The following ZBTB7C variants were observed in gnomAD, a reference collection of about 807,000 sequenced individuals.
The protein encoded by ZBTB7C is zinc finger and BTB domain containing 7C, also known as zinc finger and BTB domain-containing protein 7C.
Under a neutral mutation model 25.7 loss-of-function variants are expected in ZBTB7C, and 8 were observed. The ratio of observed to expected loss-of-function variants is 0.31; its 90% CI spans 0.18 to 0.56. ZBTB7C has a LOEUF of 0.56. Among genes scored for constraint, ZBTB7C ranks in the 20% least tolerant of loss-of-function variants. The pLI, the probability that ZBTB7C is intolerant of heterozygous loss-of-function variation, is 0.91. For missense variants in ZBTB7C, 824 were observed against 855.2 expected (o/e 0.96, Z 0.46); for synonymous variants, 394 against 369.0 (o/e 1.07, Z -0.78).
chr18:48,160,552 C>A (rs1489372453), intron 3 of ZBTB7C, among the ~76,000 whole-genome samples: 6 of 152,122 alleles, frequency 3.9e-5, no homozygotes, highest in Non-Finnish European at 8.8e-5. Flanking sequence ...GCCTGTGGTC[C>A]AGCTGTTAAA....
chr18:48,181,273 T>C (rs1351311582), intron 3 of ZBTB7C, among the ~76,000 whole-genome samples: 3 of 152,108 alleles, frequency 2.0e-5, no homozygotes, highest in Non-Finnish European at 4.4e-5. Context: ...ATCCCCTTGC[T>C]CTCTAAGGCT....
intron 2 of ZBTB7C, among the ~76,000 whole-genome samples, chr18:48,306,673 C>T (rs1218176992): frequency 6.6e-6 from 1 of 152,160 alleles, no homozygotes; most frequent in African/African-American, 2.4e-5. Context: ...TCTCTGTCCT[C>T]TCCTCTTCTC....
chr18:48,263,838 C>T (rs2044238603), intron 2 of ZBTB7C, among the ~76,000 whole-genome samples: 1 of 152,050 alleles, frequency 6.6e-6, no homozygotes, highest in South Asian at 2.1e-4. Flanking sequence ...ACTCAAGCCC[C>T]CCAAATGCAA....
At chr18:48,053,767 G>A (rs1041148480) in intron 3 of ZBTB7C, among the ~76,000 whole-genome samples, 1 of 152,214 alleles carries the variant, frequency 6.6e-6, no homozygotes, top group Non-Finnish European at 1.5e-5. Context: ...AGAAGCCACA[G>A]AAGAGTGGGA....
At chr18:48,137,044 G>A in intron 3 of ZBTB7C, 2 of 985,306 alleles carry the variant, frequency 2.0e-6, no homozygotes, top group Non-Finnish European at 2.4e-6. Context: ...TGCCCGGGCC[G>A]TGTCCTGAGC....
At chr18:48,361,796 C>A (rs1568400446) in intron 1 of ZBTB7C, among the ~76,000 whole-genome samples, 1 of 152,198 alleles carries the variant, frequency 6.6e-6, no homozygotes, top group African/African-American at 2.4e-5. Flanking sequence ...GACTCAGAAG[C>A]CCGAGGTGGA....
chr18:48,077,350 A>T (rs897399455), intron 3 of ZBTB7C, among the ~76,000 whole-genome samples: 1 of 152,142 alleles, frequency 6.6e-6, no homozygotes, highest in African/African-American at 2.4e-5. Flanking sequence ...TGAAGGTGAG[A>T]TGGGGGTGGT....
intron 1 of ZBTB7C, among the ~76,000 whole-genome samples, chr18:48,364,563 T>C (rs538510370): frequency 1.2e-4 from 19 of 152,234 alleles, no homozygotes; most frequent in African/African-American, 4.6e-4. Context: ...AGAGGCCGTA[T>C]AGGAGGTGAG....
intron 3 of ZBTB7C, among the ~76,000 whole-genome samples, chr18:48,174,703 A>G (rs2041612400): frequency 2.0e-5 from 3 of 152,246 alleles, no homozygotes. Flanking sequence ...GCAGCTGTAA[A>G]AAAGAGTGAG....
rs1219162446 is a variant in ZBTB7C at position 48,103,105 on chromosome 18, TTTTA to T, written c.-16-61986_-16-61983del. 4.5e-3 allele frequency among the ~76,000 whole-genome samples: 520 copies of T among 116,598 alleles called. 4 individuals are homozygous for T. Among genetic ancestry groups the T allele is most frequent in the African/African-American group, 0.017 (401 of 23,994 alleles). The allele number at this position is 116,598 out of a possible 152,430, so 76.5% of individuals were successfully genotyped here. A position where few individuals can be genotyped will look rare whatever the true frequency, so the allele number is the denominator to read the frequency against. On this transcript the variant is annotated intron_variant, in intron 3 of 4. Coordinates refer to ENST00000590800, the MANE Select transcript of ZBTB7C (RefSeq NM_001318841.2). ...ATATATATCTTATATATATTATATA[TTTTA>T]TATTATCTATCTATCTATCTATCTA...
chr18:48,269,874 G>C (rs1422356533), intron 2 of ZBTB7C, among the ~76,000 whole-genome samples: 2 of 152,154 alleles, frequency 1.3e-5, no homozygotes, highest in Non-Finnish European at 2.9e-5. Flanking sequence ...AGGTTCATTA[G>C]CTTGGTCCAG....
chr18:48,115,934 G>A (rs1430039865), intron 3 of ZBTB7C, among the ~76,000 whole-genome samples: 2 of 152,022 alleles, frequency 1.3e-5, no homozygotes, highest in African/African-American at 2.4e-5. Flanking sequence ...CAAGGGCCTC[G>A]AAGTACTTTG....
intron 3 of ZBTB7C, among the ~76,000 whole-genome samples, chr18:48,147,338 G>A (rs553460748): frequency 6.6e-6 from 1 of 152,022 alleles, no homozygotes; most frequent in South Asian, 2.1e-4. Flanking sequence ...TCGGCCTTTC[G>A]GAGTGCTGGG....
intron 2 of ZBTB7C, among the ~76,000 whole-genome samples, chr18:48,327,829 T>C (rs928701028): frequency 6.6e-6 from 1 of 150,468 alleles, no homozygotes; most frequent in Non-Finnish European, 1.5e-5. Context: ...GAGGTTAAAT[T>C]AATTGTCTGA....
Position 48,304,294 on chromosome 18 carries a change from G to A in ZBTB7C, c.-79+33880C>T, listed in dbSNP as rs1198174854. On this transcript the variant is annotated intron_variant, in intron 2 of 4. Coordinates refer to ENST00000590800, the MANE Select transcript of ZBTB7C (RefSeq NM_001318841.2). The stretch of plus-strand genomic sequence containing the variant: ...TTTTCCAGTTGTATTACTTTACTGA[G>A]ACCAGAGTAACCATCTAAATCCACT... Among the ~76,000 whole-genome samples, 4 of 152,202 alleles carry A rather than the reference G, an allele frequency of 2.6e-5. No homozygotes were observed. In the South Asian group the frequency reaches 8.3e-4, roughly 32 times the overall value.
At chr18:48,315,479 G>T (rs771821314) in intron 2 of ZBTB7C, among the ~76,000 whole-genome samples, 4 of 152,164 alleles carry the variant, frequency 2.6e-5, no homozygotes, top group African/African-American at 9.7e-5. Context: ...CCCCTGCCTG[G>T]TTTGAGTGCA....
intron 2 of ZBTB7C, among the ~76,000 whole-genome samples, chr18:48,230,913 G>C (rs2043233891): frequency 6.6e-6 from 1 of 152,198 alleles, no homozygotes; most frequent in African/African-American, 2.4e-5. Context: ...GAGCAAAGTT[G>C]TGGCCAAGCC....
chr18:48,347,124 GTTTTTTTTTTTTTTT>G (rs1158209713), intron 1 of ZBTB7C, among the ~76,000 whole-genome samples: 116 of 80,484 alleles, frequency 1.4e-3, no homozygotes, highest in Non-Finnish European at 2.2e-3. Context: ...GTTTTTGTTT[GTTTTTTTTTTTTTTT>G]TTTTTTTTTG....
rs1229745356 is a variant in ZBTB7C, at chr18:48,252,286, T to G, written c.-78-66291A>C. The G allele has an allele frequency of 2.6e-5, 4 of 152,306 alleles. No individual in the cohort carries two copies. The East Asian group carries it at 7.7e-4, about 29-fold the overall frequency. The allele number at this position is 152,306 out of a possible 1,614,324, so 9.4% of individuals were successfully genotyped here. On this transcript the variant is annotated intron_variant, in intron 2 of 4. Coordinates refer to ENST00000590800, the MANE Select transcript of ZBTB7C (RefSeq NM_001318841.2). ...GTTTATCCACCTTCCTGACCTTCCA[T>G]TTCTTCATAGCACTATGGAGAGAAT... is the stretch of plus-strand genomic sequence containing the variant.
Sources: gnomAD v4.1 joint callset for allele counts (sites outside exome capture counted in the v4.1 genomes callset) on GRCh38, gnomAD v4.1.1 for gene constraint, MANE v1.5 for transcripts, NCBI Gene and HGNC (gene_info 2026-07-23, HGNC 2026-07-21) for gene names.